CMBL: variants seen among roughly 807,000 people sequenced by gnomAD.
CMBL encodes the protein carboxymethylenebutenolidase homolog (Pseudomonas).
Under a neutral mutation model 28.7 loss-of-function variants are expected in CMBL, and 17 were observed. That is an observed-to-expected ratio of 0.59 (90% CI 0.41 to 0.89). The LOEUF is 0.89. CMBL is among the 40% of genes least tolerant of loss of function. CMBL has a pLI of 0.00. For missense variants in CMBL, 310 were observed against 298.5 expected (o/e 1.04, Z -0.28); for synonymous variants, 106 against 101.6 (o/e 1.04, Z -0.26).
At chr5:10,295,022 G>T (rs1410774240) in intron 1 of CMBL, among the ~76,000 whole-genome samples, 1 of 152,124 alleles carries the variant, frequency 6.6e-6, no homozygotes, top group Non-Finnish European at 1.5e-5. Context: ...TGAGAGTGAT[G>T]TGAGTATACA....
chr5:10,305,386 A>C (rs569895203), intron 1 of CMBL, among the ~76,000 whole-genome samples: 1 of 152,124 alleles, frequency 6.6e-6, no homozygotes, highest in South Asian at 2.1e-4. Context: ...AATACTCAAC[A>C]GTGATCCCCA....
intron 1 of CMBL, among the ~76,000 whole-genome samples, chr5:10,295,272 C>T (rs950391425): frequency 9.2e-5 from 14 of 152,038 alleles, no homozygotes; most frequent in Non-Finnish European, 1.3e-4. Flanking sequence ...TTAATAGAGA[C>T]GGGGTTTCAC....
Position 10,290,684 on chromosome 5 carries a change from C to T in CMBL, c.79G>A (p.Val27Ile). The change falls in exon 2 of 6, where the codon GTC (valine) becomes ATC (isoleucine). Residue 27 changes from valine (V) to isoleucine (I), a missense_variant. Val to Ile is a conservative substitution (Grantham distance 29, BLOSUM62 3). Coordinates refer to ENST00000296658, the MANE Select transcript of CMBL (RefSeq NM_138809.4). ...GTGACATAAGCCTTGATGTGCTCGA[C>T]TTGAACTTCACGGCCTAGCCCTCCA... ...EYGGLGREVQ[V>I]EHIKAYVTKS... 6.2e-7 allele frequency: 1 copy of T among 1,614,224 alleles called. No homozygotes were observed. The highest frequency in any genetic ancestry group is 8.5e-7 in the Non-Finnish European group (1 of 1,180,044).
At chr5:10,300,430 T>C (rs1005785181) in intron 1 of CMBL, among the ~76,000 whole-genome samples, 1 of 152,158 alleles carries the variant, frequency 6.6e-6, no homozygotes, top group African/African-American at 2.4e-5. Flanking sequence ...ATGGCAGCCC[T>C]AGAAAACAAA....
intron 1 of CMBL, among the ~76,000 whole-genome samples, chr5:10,298,765 C>T (rs13358029): frequency 0.054 from 8,177 of 152,156 alleles, 621 homozygotes; most frequent in African/African-American, 0.17. Context: ...TGGTGGTGAG[C>T]GCCTGTAATC....
chr5:10,286,318 T>C (rs1746602997), intron 4 of CMBL, 36 bp downstream of exon 4: 1 of 1,601,268 alleles, frequency 6.2e-7, no homozygotes, highest in East Asian at 2.2e-5. Flanking sequence ...CACCCCTCCC[T>C]TCTGCATGGA....
At chr5:10,285,313 C>T (rs1224828534) in intron 4 of CMBL, among the ~76,000 whole-genome samples, 7 of 152,200 alleles carry the variant, frequency 4.6e-5, no homozygotes, top group Non-Finnish European at 1.0e-4. Flanking sequence ...GGACTACAGG[C>T]GCCCACCACC....
intron 1 of CMBL, among the ~76,000 whole-genome samples, chr5:10,299,391 C>A (rs1247223987): frequency 6.6e-6 from 1 of 152,116 alleles, no homozygotes. Flanking sequence ...TGCAGATTGG[C>A]AAAAGTCTGT....
rs201605601 is a variant in CMBL, at chr5:10,290,623, A to G, written c.140T>C (p.Val47Ala). 7.4e-6 allele frequency: 12 copies of G among 1,614,244 alleles called. 1 individual carries two copies. The East Asian group carries it at 2.7e-4, about 36-fold the overall frequency. The change falls in exon 2 of 6, where the codon GTC (valine) becomes GCC (alanine). Residue 47 changes from valine to alanine, a missense_variant. By Grantham distance (64) the Val-to-Ala change is moderately conservative. Transcript: ENST00000296658. ...CTGCCAGCCAAATATATCTTGAATG[A>G]CAATCACAGCTTTGCCTGCATCAAC... ...SPVDAGKAVI[V>A]IQDIFGWQLP...
At chr5:10,306,340 C>T (rs911118293) in intron 1 of CMBL, among the ~76,000 whole-genome samples, 5 of 152,038 alleles carry the variant, frequency 3.3e-5, no homozygotes, top group Non-Finnish European at 4.4e-5. Context: ...TCTCCAGCCT[C>T]CTGGGAGAGC....
intron 1 of CMBL, among the ~76,000 whole-genome samples, chr5:10,306,585 G>C (rs1373530375): frequency 3.9e-5 from 6 of 152,206 alleles, no homozygotes; most frequent in African/African-American, 1.4e-4. Flanking sequence ...GGGTCTAATG[G>C]GAAAGGCAGG....
chr5:10,301,301 A>T (rs1229237623), intron 1 of CMBL, among the ~76,000 whole-genome samples: 1 of 152,214 alleles, frequency 6.6e-6, no homozygotes. Context: ...GAAATTAATA[A>T]CTAGTTATCC....
intron 4 of CMBL, among the ~76,000 whole-genome samples, chr5:10,285,694 C>CTTTTT (rs1252497762): frequency 4.0e-4 from 35 of 87,464 alleles, no homozygotes; most frequent in African/African-American, 1.0e-3. Flanking sequence ...CTTTCTCTTT[C>CTTTTT]TTTTTCTTTT....
chr5:10,282,677 C>T (rs10052969), intron 4 of CMBL, among the ~76,000 whole-genome samples: 2 of 151,914 alleles, frequency 1.3e-5, no homozygotes, highest in South Asian at 2.1e-4. Flanking sequence ...CAGCTACTTG[C>T]GGGGACTAAG....
intron 1 of CMBL, among the ~76,000 whole-genome samples, chr5:10,292,955 C>T (rs1427224497): frequency 1.3e-5 from 2 of 152,108 alleles, no homozygotes; most frequent in Non-Finnish European, 2.9e-5. Context: ...TGTGAACTGC[C>T]TGCATATTAA....
At chr5:10,287,514 C>T (rs116567258) in intron 3 of CMBL, among the ~76,000 whole-genome samples, 2,977 of 151,116 alleles carry the variant, frequency 0.02, 103 homozygotes, top group African/African-American at 0.067. Context: ...GTGTGAGGGC[C>T]AAAAAACTAT....
rs1746508633 is a variant in CMBL at position 10,282,298 on chromosome 5, A to G, written c.467-10T>C. 2.0e-6 allele frequency: 3 copies of G among 1,519,934 alleles called. No homozygotes were observed. The highest frequency in any genetic ancestry group is 2.7e-6 in the Non-Finnish European group (3 of 1,092,932). 94.2% of individuals were successfully genotyped at this position (1,519,934 alleles called of 1,614,324 possible). A position where few individuals can be genotyped will look rare whatever the true frequency, so the allele number is the denominator to read the frequency against. On this transcript the variant is annotated splice_polypyrimidine_tract_variant and intron_variant, in intron 4 of 5. Coordinates refer to ENST00000296658, the MANE Select transcript of CMBL (RefSeq NM_138809.4). ...GAATCCTTGACAATGCCTGAAAAAC[A>G]AGCACAGAGGCATGATGTCTGATCC... is the stretch of plus-strand genomic sequence containing the variant.
intron 1 of CMBL, among the ~76,000 whole-genome samples, chr5:10,298,573 C>A (rs1015304236): frequency 6.6e-6 from 1 of 152,148 alleles, no homozygotes; most frequent in African/African-American, 2.4e-5. Flanking sequence ...GATGACATGA[C>A]CAGAGGTCTG....
intron 1 of CMBL, among the ~76,000 whole-genome samples, chr5:10,305,950 G>A (rs995086809): frequency 2.0e-5 from 3 of 152,064 alleles, no homozygotes; most frequent in Admixed American, 6.6e-5. Context: ...CCTTTACTCC[G>A]TATACATTTG....
Sources: allele counts gnomAD v4.1 joint callset (sites outside exome capture counted in the v4.1 genomes callset), GRCh38; gene constraint gnomAD v4.1.1; transcripts MANE v1.5; gene names NCBI Gene and HGNC (gene_info 2026-07-23, HGNC 2026-07-21).